Variants in COL10A1 observed in about 807,000 individuals in gnomAD.
COL10A1 encodes collagen type X alpha 1 chain, also known as collagen alpha-1(X) chain.
Under a neutral mutation model 18.2 loss-of-function variants are expected in COL10A1, and 10 were observed. The observed-to-expected ratio is 0.55, with a 90% CI of 0.34 to 0.93. The LOEUF (loss-of-function observed/expected upper bound fraction) is 0.93, where lower values mean the gene tolerates loss of function less well. Ranked by LOEUF, COL10A1 falls within the 40% of genes least tolerant of loss-of-function variation. The pLI is 0.02. For missense variants in COL10A1, 897 were observed against 853.5 expected, an observed-to-expected ratio of 1.05 and a Z score of -0.64; for synonymous variants, 330 against 316.6, an observed-to-expected ratio of 1.04 and a Z score of -0.45.
At chr6:116,154,486 G>A (rs1449720738) in intron 1 of COL10A1, among the ~76,000 whole-genome samples, 1 of 151,980 alleles carries the variant, frequency 6.6e-6, no homozygotes, top group African/African-American at 2.4e-5. Flanking sequence ...CCTGCTCTGT[G>A]ATTTTTATGT....
At position 116,124,785 on chromosome 6, in the gene COL10A1, G is replaced by A. The variant is rs764995150; in HGVS notation, c.154+554C>T. On this transcript the variant is annotated intron_variant, in intron 2 of 2. Transcript: ENST00000651968. ...GCTAAACTATATTCAAAATGTATAA[G>A]TAATTATGAGAATTGCAGTTTCATT... 3.0e-4 allele frequency among the ~76,000 whole-genome samples: 45 copies of A among 152,122 alleles called. 1 individual carries two copies. Among genetic ancestry groups the A allele is most frequent in the Admixed American group, 7.2e-4 (11 of 15,264 alleles).
the COL10A1 span, among the ~76,000 whole-genome samples, chr6:116,179,009 A>G: frequency 6.6e-6 from 1 of 152,202 alleles, no homozygotes; most frequent in Non-Finnish European, 1.5e-5. Context: ...AGTTATACAA[A>G]TGGTAATTTC....
intron 2 of COL10A1, among the ~76,000 whole-genome samples, chr6:116,122,751 A>G (rs1006285867): frequency 1.1e-4 from 17 of 152,240 alleles, no homozygotes; most frequent in African/African-American, 4.1e-4. Flanking sequence ...CATTTGGTGT[A>G]TATAAATGCA....
At chr6:116,127,224 G>C (rs1004583049), upstream of COL10A1, among the ~76,000 whole-genome samples, 9 of 152,122 alleles carry the variant, frequency 5.9e-5, no homozygotes, top group Admixed American at 5.9e-4. Flanking sequence ...AGTTTGACCA[G>C]TGAATGAACT....
the COL10A1 span, among the ~76,000 whole-genome samples, chr6:116,195,013 T>G: frequency 6.6e-6 from 1 of 152,096 alleles, no homozygotes; most frequent in African/African-American, 2.4e-5. Flanking sequence ...CACCTTCACC[T>G]TCCTGCCATC....
the COL10A1 span, among the ~76,000 whole-genome samples, chr6:116,171,175 A>G: frequency 6.6e-6 from 1 of 152,178 alleles, no homozygotes; most frequent in Non-Finnish European, 1.5e-5. Flanking sequence ...GTAAGGTTAA[A>G]TGACCCACTT....
chr6:116,182,880 T>G, the COL10A1 span, among the ~76,000 whole-genome samples: 1 of 151,738 alleles, frequency 6.6e-6, no homozygotes, highest in African/African-American at 2.4e-5. Flanking sequence ...TGTATATAAT[T>G]AAGTCCCATC....
chr6:116,183,622 T>A, the COL10A1 span, among the ~76,000 whole-genome samples: 1 of 151,978 alleles, frequency 6.6e-6, no homozygotes, highest in Non-Finnish European at 1.5e-5. Flanking sequence ...TGGTTAAGTA[T>A]ACTCCTAAGT....
chr6:116,145,264 T>C (rs1779869219), intron 1 of COL10A1, among the ~76,000 whole-genome samples: 1 of 152,122 alleles, frequency 6.6e-6, no homozygotes, highest in Admixed American at 6.5e-5. Flanking sequence ...AAAGGTGTGA[T>C]ATGATAAAAA....
chr6:116,191,818 T>C, the COL10A1 span, among the ~76,000 whole-genome samples: 1 of 152,048 alleles, frequency 6.6e-6, no homozygotes, highest in Admixed American at 6.6e-5. Context: ...ATATTTGTAT[T>C]CCCCAAACCT....
upstream of COL10A1, among the ~76,000 whole-genome samples, chr6:116,162,126 T>G (rs1166635564): frequency 6.6e-6 from 1 of 152,222 alleles, no homozygotes; most frequent in Non-Finnish European, 1.5e-5. Flanking sequence ...GTGTTAATTT[T>G]GTATCCTGAG....
chr6:116,141,885 AACACAC>A (rs3051942), intron 1 of COL10A1, among the ~76,000 whole-genome samples: 21,837 of 140,274 alleles, frequency 0.16, 1,753 homozygotes, highest in East Asian at 0.25. Context: ...CCAAAAAGAA[AACACAC>A]ACACACACAC....
chr6:116,142,430 C>A (rs1338324986), intron 1 of COL10A1, among the ~76,000 whole-genome samples: 1 of 152,008 alleles, frequency 6.6e-6, no homozygotes, highest in South Asian at 2.1e-4. Context: ...TTTTATATAT[C>A]ATCAATGCTA....
At chr6:116,181,854 C>G in the COL10A1 span, among the ~76,000 whole-genome samples, 1 of 151,944 alleles carries the variant, frequency 6.6e-6, no homozygotes, top group African/African-American at 2.4e-5. Flanking sequence ...AGTGCAATTC[C>G]AACCAAAATT....
chr6:116,211,158 A>C, the COL10A1 span, among the ~76,000 whole-genome samples: 1 of 152,068 alleles, frequency 6.6e-6, no homozygotes, highest in Non-Finnish European at 1.5e-5. Context: ...GAGAAAGCTC[A>C]AGCTAGCTAA....
rs966012722 is a variant in COL10A1, at chr6:116,119,992, C to T, written c.*81G>A. ...TAAAAATTACATTCTTTTCAGCCTA[C>T]CTCCATATGCATTTTGTAGGGTGGG... On this transcript the variant is annotated 3_prime_UTR_variant, in exon 3 of 3. Coordinates refer to ENST00000651968, the MANE Select transcript of COL10A1 (RefSeq NM_000493.4). 5 of 1,189,580 alleles carry T rather than the reference C, an allele frequency of 4.2e-6. No individual in the cohort carries two copies. Among genetic ancestry groups the T allele is most frequent in the Admixed American group, 3.4e-5 (2 of 59,036 alleles). 73.7% of individuals were successfully genotyped at this position (1,189,580 alleles called of 1,614,324 possible).
chr6:116,120,153 G>A lies in COL10A1; in HGVS notation c.1963C>T (p.Pro655Ser). 6.2e-7 allele frequency: 1 copy of A among 1,614,126 alleles called. No homozygotes were observed. The highest frequency in any genetic ancestry group is 1.1e-5 in the South Asian group (1 of 91,078). Residue 655 changes from proline to serine, a missense_variant, in exon 3 of 3, where the codon CCC becomes TCC. Pro to Ser is a moderately conservative substitution (Grantham distance 74). Coordinates refer to ENST00000651968, the MANE Select transcript of COL10A1 (RefSeq NM_000493.4). Reference protein sequence around the residue: ...TENDQVWLQLPNAESNGLYSS... With the variant: ...TENDQVWLQLSNAESNGLYSS... The stretch of plus-strand genomic sequence containing the variant: ...TATAGGCCATTTGACTCGGCATTGG[G>A]AAGCTGGAGCCACACCTGGTCATTT...
chr6:116,136,797 C>T (rs1229753469), intron 1 of COL10A1, among the ~76,000 whole-genome samples: 1 of 152,154 alleles, frequency 6.6e-6, no homozygotes, highest in Non-Finnish European at 1.5e-5. Context: ...GAATCTGTTA[C>T]TCAGAACAAG....
intron 1 of COL10A1, among the ~76,000 whole-genome samples, chr6:116,138,789 C>G (rs2114357085): frequency 6.6e-6 from 1 of 152,156 alleles, no homozygotes; most frequent in East Asian, 1.9e-4. Context: ...GTATATTTAG[C>G]ATGAGTTAAA....
Sources: allele counts gnomAD v4.1 joint callset (sites outside exome capture counted in the v4.1 genomes callset), GRCh38; gene constraint gnomAD v4.1.1; transcripts MANE v1.5; gene names NCBI Gene and HGNC (gene_info 2026-07-23, HGNC 2026-07-21).